DPP9: variants seen among roughly 807,000 people sequenced by gnomAD.
The protein encoded by DPP9 is dipeptidyl peptidase 9, also known as dipeptidyl peptidase IV-related protein-2.
A neutral mutation model predicts 110.7 loss-of-function variants in DPP9; 50 were observed. The observed-to-expected ratio is 0.45, with a 90% CI of 0.36 to 0.57. The LOEUF (loss-of-function observed/expected upper bound fraction) is 0.57. Among genes scored for constraint, DPP9 ranks in the 20% least tolerant of loss-of-function variants. The probability of loss-of-function intolerance (pLI) is 0.00; values close to 1 mark genes in which losing one functional copy is unlikely to be tolerated. For missense variants in DPP9, 1,022 were observed against 1,217.9 expected (o/e 0.84, Z 2.39); for synonymous variants, 561 against 514.4 (o/e 1.09, Z -1.23).
At chr19:4,699,388 A>G (rs1215618822) in intron 10 of DPP9, among the ~76,000 whole-genome samples, 1 of 151,944 alleles carries the variant, frequency 6.6e-6, no homozygotes, top group African/African-American at 2.4e-5. Flanking sequence ...GAGTTCTCCA[A>G]CATGATGTTA....
chr19:4,676,623 G>A lies in DPP9; in HGVS notation c.2620C>T (p.Pro874Ser), dbSNP rs1028827933. ...YPNERHSIRC[P>S]ESGEHYEVTL... Reference sequence around the variant, plus strand: ...ACTTCATAGTGCTCGCCCGACTCGGGGCAGCGAATACTGTGTCTCTCGTTG... The same window carrying A: ...ACTTCATAGTGCTCGCCCGACTCGGAGCAGCGAATACTGTGTCTCTCGTTG... Residue 874 changes from proline (P) to serine (S), a missense_variant, in exon 22 of 22, where the codon CCC becomes TCC. Pro to Ser is a moderately conservative substitution (Grantham distance 74). Coordinates refer to ENST00000262960, the MANE Select transcript of DPP9 (RefSeq NM_139159.5). This position sits in a 1 kb window ranked among gnomAD's most constrained non-coding sequence, Gnocchi z 4.0. 6.2e-7 allele frequency: 1 copy of A among 1,608,766 alleles called. No individual in the cohort carries two copies. The highest frequency in any genetic ancestry group is 1.3e-5 in the African/African-American group (1 of 74,858).
intron 2 of DPP9, among the ~76,000 whole-genome samples, chr19:4,721,844 T>C (rs1007031837): frequency 2.6e-5 from 4 of 152,102 alleles, no homozygotes; most frequent in Non-Finnish European, 5.9e-5. Flanking sequence ...AGGTTAAGCA[T>C]AAAGTCACCA....
intron 4 of DPP9, among the ~76,000 whole-genome samples, chr19:4,711,772 C>CAAAAAA (rs752279327): frequency 2.3e-5 from 1 of 44,356 alleles, no homozygotes. Flanking sequence ...GACTCCATCT[C>CAAAAAA]AAAAAAAAAA....
intron 8 of DPP9, 121 bp from the exon 9 acceptor site, chr19:4,702,276 A>G: frequency 7.5e-7 from 1 of 1,325,708 alleles, no homozygotes; most frequent in Non-Finnish European, 1.0e-6. Flanking sequence ...TGAAACCAGA[A>G]CCCCGGCTCT....
Position 4,704,011 on chromosome 19 carries a change from C to G in DPP9, c.644G>C (p.Gly215Ala), listed in dbSNP as rs1035828922. Residue 215 changes from glycine to alanine, a missense_variant, in exon 7 of 22, where the codon GGG becomes GCG. Around this residue, in one of 3 missense-constraint regions of DPP9, gnomAD observed 810 missense variants for 920.6 expected, o/e 0.88. Coordinates refer to ENST00000262960, the MANE Select transcript of DPP9 (RefSeq NM_139159.5). This position sits in a 1 kb window ranked among gnomAD's most constrained non-coding sequence, Gnocchi z 6.0. The stretch of plus-strand genomic sequence containing the variant: ...GCAGATTTTGGGGTCCATCCGGGGC[C>G]CTGAGCACTGGGTCTTGATTTCCAG... ...KPLEIKTQCS[G>A]PRMDPKICPA... 10 of 1,614,004 alleles carry G rather than the reference C, an allele frequency of 6.2e-6. No homozygotes were observed. Among genetic ancestry groups the G allele is most frequent in the Middle Eastern group, 1.6e-4 (1 of 6,062 alleles).
rs755672564 is a variant in DPP9, at chr19:4,697,518, T to G, written c.1175+33A>C. On this transcript the variant is annotated intron_variant, in intron 11 of 21. Coordinates refer to ENST00000262960, the MANE Select transcript of DPP9 (RefSeq NM_139159.5). ...TGCCCAGGGCCCAGGGCCCTGCAGG[T>G]GAATTCCTTGGGTTCCAGCCAGAGA... 4.4e-6 allele frequency: 7 copies of G among 1,587,064 alleles called. No individual in the cohort carries two copies. In the Admixed American group the frequency reaches 1.2e-4, roughly 27 times the overall value.
At chr19:4,717,657 C>T (rs1286060795) in intron 3 of DPP9, 2 of 152,186 alleles carry the variant, frequency 1.3e-5, no homozygotes, top group Non-Finnish European at 2.9e-5. Flanking sequence ...AATTCGATCC[C>T]GGAGATGAGA....
Position 4,719,856 on chromosome 19 carries a change from C to T in DPP9, c.51G>A (p.Trp17Ter). 1 of 1,551,800 alleles carries T rather than the reference C, an allele frequency of 6.4e-7. No homozygotes were observed. Among genetic ancestry groups the T allele is most frequent in the East Asian group, 2.4e-5 (1 of 40,916 alleles). ...LRLDKENTGS[W>*]RSFSLNSEGA... ...GCCTCCGAGGCCAACCTCACCTTCT[C>T]CAACTTCCGGTGTTCTCCTTGTCCA... The change falls in exon 3 of 22, where the codon TGG becomes TGA. Residue 17 changes from tryptophan to a stop codon, truncating the protein, a stop_gained. Coordinates refer to ENST00000262960, the MANE Select transcript of DPP9 (RefSeq NM_139159.5). LOFTEE classifies it high-confidence loss of function.
At position 4,704,861 on chromosome 19, in the gene DPP9, T is replaced by C. The variant is rs1445750131; in HGVS notation, c.427-557A>G. On this transcript the variant is annotated intron_variant, in intron 5 of 21. Transcript: ENST00000262960. This position sits in a 1 kb window ranked among gnomAD's most constrained non-coding sequence, Gnocchi z 6.0. ...TAAAAATACAAAAATTAGCCGGGTGTGGTGGCACGCGCCTGTAGTCCCAGC... is the reference window on the plus strand; with the variant it reads ...TAAAAATACAAAAATTAGCCGGGTGCGGTGGCACGCGCCTGTAGTCCCAGC... 6.6e-6 allele frequency among the ~76,000 whole-genome samples: 1 copy of C among 152,078 alleles called. No homozygotes were observed. The highest frequency in any genetic ancestry group is 1.5e-5 in the Non-Finnish European group (1 of 68,010).
chr19:4,697,856 G>T (rs2091931455), intron 10 of DPP9, among the ~76,000 whole-genome samples: 1 of 152,198 alleles, frequency 6.6e-6, no homozygotes, highest in East Asian at 1.9e-4. Flanking sequence ...GGATGAGGGT[G>T]GGCCCTGATC....
intron 4 of DPP9, among the ~76,000 whole-genome samples, chr19:4,709,319 C>G (rs994103681): frequency 6.6e-6 from 1 of 152,002 alleles, no homozygotes; most frequent in Non-Finnish European, 1.5e-5. Context: ...TTGTGAAGTA[C>G]AGTAGTGACG....
Position 4,684,034 on chromosome 19 carries a change from C to T in DPP9, c.2179-405G>A, listed in dbSNP as rs111521912. ...TCACTACCAGCCACATCCCCACCAC[C>T]GCCACTGCCACGATTTCAATGCTGG... On this transcript the variant is annotated intron_variant, in intron 18 of 21. Transcript: ENST00000262960. This position sits in a 1 kb window ranked among gnomAD's most constrained non-coding sequence, Gnocchi z 4.8. 0.016 allele frequency: 6,041 copies of T among 375,766 alleles called. 321 individuals are homozygous for T. The highest frequency in any genetic ancestry group is 0.12 in the African/African-American group (5,617 of 47,696). 23.3% of individuals were successfully genotyped at this position (375,766 alleles called of 1,614,324 possible). A position where few individuals can be genotyped will look rare whatever the true frequency, so the allele number is the denominator to read the frequency against.
chr19:4,711,799 A>G (rs12977360), intron 4 of DPP9, among the ~76,000 whole-genome samples: 1 of 144,152 alleles, frequency 6.9e-6, no homozygotes, highest in Non-Finnish European at 1.5e-5. Flanking sequence ...AAAAAAAAAA[A>G]GGAGGCAGAG....
chr19:4,702,519 G>A (rs2092326271), intron 8 of DPP9, 84 bp downstream of exon 8: 1 of 1,051,938 alleles, frequency 9.5e-7, no homozygotes. Context: ...GAGGTGAAAG[G>A]AGTAAGGCGC....
intron 4 of DPP9, among the ~76,000 whole-genome samples, 179 bp downstream of exon 4, chr19:4,713,902 C>T (rs371763686): frequency 6.6e-6 from 1 of 152,166 alleles, no homozygotes; most frequent in Admixed American, 6.5e-5. Flanking sequence ...ACCCACCCCG[C>T]GGCAGCCCTT....
At position 4,695,258 on chromosome 19, in the gene DPP9, C is replaced by A; in HGVS notation, c.1353+120G>T. 1 of 1,170,970 alleles carries A rather than the reference C, an allele frequency of 8.5e-7. No homozygotes were observed. Among genetic ancestry groups the A allele is most frequent in the African/African-American group, 1.6e-5 (1 of 62,870 alleles). The allele number at this position is 1,170,970 out of a possible 1,614,324, so 72.5% of individuals were successfully genotyped here. A position where few individuals can be genotyped will look rare whatever the true frequency, so the allele number is the denominator to read the frequency against. On this transcript the variant is annotated intron_variant, in intron 12 of 21. Transcript: ENST00000262960. The surrounding 1 kb of genome is among the most constrained non-coding windows in gnomAD (Gnocchi z 4.7). ...CAGGGATGGCCAAGGCCTGAGCTCA[C>A]TTCTCCACACAAGGGCAAACACCAC...
Position 4,684,587 on chromosome 19 carries a change from A to G in DPP9, c.2178+76T>C. On this transcript the variant is annotated intron_variant, in intron 18 of 21. Transcript: ENST00000262960. The surrounding 1 kb of genome is among the most constrained non-coding windows in gnomAD (Gnocchi z 4.8). ...CGGGTGGTATTCCAGAGCCGCTCCC[A>G]TGCCCTGCACCCACACGGCCCAGGG... 3.8e-6 allele frequency: 6 copies of G among 1,559,072 alleles called. No homozygotes were observed. In the South Asian group the frequency reaches 4.7e-5, roughly 12 times the overall value.
In DPP9 at chr19:4,694,323, A is replaced by G. The variant is rs570985214; in HGVS notation, c.1516+338T>C. The G allele has an allele frequency of 5.0e-4, 228 of 458,778 alleles. 1 individual carries two copies. In the East Asian group the frequency reaches 7.6e-3, roughly 15 times the overall value. The allele number at this position is 458,778 out of a possible 1,614,324, so 28.4% of individuals were successfully genotyped here. On this transcript the variant is annotated intron_variant, in intron 13 of 21. Transcript: ENST00000262960. This position sits in a 1 kb window ranked among gnomAD's most constrained non-coding sequence, Gnocchi z 4.0. The stretch of plus-strand genomic sequence containing the variant: ...CGACCACAGACAGTCTCTGTAAACA[A>G]GTGGCTGTGGCTCAGTGCCAATAAA...
chr19:4,697,792 C>T, intron 10 of DPP9, 141 bp from the exon 11 acceptor site: 1 of 658,450 alleles, frequency 1.5e-6, no homozygotes, highest in Non-Finnish European at 2.6e-6. Context: ...CAGAACGCAA[C>T]CTTCTTTGGA....
Sources: allele counts gnomAD v4.1 joint callset (sites outside exome capture counted in the v4.1 genomes callset), GRCh38; gene constraint gnomAD v4.1.1; regional missense constraint gnomAD v4.1.1; non-coding constraint Gnocchi (gnomAD v3.1); transcripts MANE v1.5; gene names NCBI Gene and HGNC (gene_info 2026-07-23, HGNC 2026-07-21).